Variants in ERI1 observed in about 807,000 individuals in gnomAD.
The protein encoded by ERI1 is exoribonuclease 1.
In ERI1, 39 loss-of-function variants were observed where a neutral mutation model predicts 39.7. The ratio of observed to expected loss-of-function variants is 0.98; its 90% confidence interval spans 0.76 to 1.28. ERI1 has a LOEUF of 1.28. ERI1 is among the 50% of genes most tolerant of loss of function. The pLI, the probability that ERI1 is intolerant of heterozygous loss-of-function variation, is 0.00. For synonymous variants in ERI1, 204 were observed against 149.6 expected (o/e 1.36, Z -2.65); for missense variants, 581 against 416.9 (o/e 1.39, Z -3.43).
rs781653588 is a variant in ERI1 at position 9,097,990 on chromosome 8, G to A, written n.300-18358G>A. On this transcript the variant is annotated intron_variant and non_coding_transcript_variant, in intron 3 of 3. Transcript: ENST00000518663. ...TTGCAGCAACCTGAGTGGAATTGGA[G>A]ACCATTATTCTAAGTGAAGTAACTC... Among the ~76,000 whole-genome samples, 3 of 152,168 alleles carry A rather than the reference G, an allele frequency of 2.0e-5. No individual in the cohort carries two copies. The East Asian group carries it at 5.8e-4, about 29-fold the overall frequency.
chr8:9,053,963 G>T (rs17155162), intron 3 of ERI1, among the ~76,000 whole-genome samples: 1 of 152,102 alleles, frequency 6.6e-6, no homozygotes, highest in African/African-American at 2.4e-5. Flanking sequence ...GTTTGGAAGT[G>T]AAAGGAAATA....
chr8:9,016,022 T>G (rs1484563778), intron 3 of ERI1, among the ~76,000 whole-genome samples: 1 of 152,084 alleles, frequency 6.6e-6, no homozygotes, highest in East Asian at 1.9e-4. Context: ...CGCTTTATAG[T>G]TTTAAAATAT....
At chr8:9,040,961 C>T (rs1017865743) in intron 3 of ERI1, among the ~76,000 whole-genome samples, 2 of 152,192 alleles carry the variant, frequency 1.3e-5, no homozygotes, top group African/African-American at 4.8e-5. Context: ...AGTGCTTACT[C>T]AGTCCTGGGC....
intron 3 of ERI1, among the ~76,000 whole-genome samples, chr8:9,075,790 T>A (rs1799191980): frequency 6.6e-6 from 1 of 152,176 alleles, no homozygotes; most frequent in Non-Finnish European, 1.5e-5. Context: ...GGAAAAATAA[T>A]CTTAAAAAAT....
At chr8:9,059,025 A>G (rs13276286) in intron 3 of ERI1, among the ~76,000 whole-genome samples, 21,531 of 151,784 alleles carry the variant, frequency 0.14, 1,667 homozygotes, top group African/African-American at 0.18. Flanking sequence ...GCGAAGGGAG[A>G]TAGGGGTGGG....
At chr8:9,097,729 GAAAGA>G (rs528835204) in intron 3 of ERI1, among the ~76,000 whole-genome samples, 23 of 146,060 alleles carry the variant, frequency 1.6e-4, no homozygotes, top group African/African-American at 5.8e-4. Flanking sequence ...TTTTTTAAAA[GAAAGA>G]AAAGAAGAAA....
intron 3 of ERI1, among the ~76,000 whole-genome samples, chr8:9,039,285 T>C (rs1797946978): frequency 6.6e-6 from 1 of 152,232 alleles, no homozygotes; most frequent in Non-Finnish European, 1.5e-5. Context: ...ATTTTTATTA[T>C]ATGTTTCGTC....
chr8:9,069,077 G>A (rs10081588), intron 3 of ERI1, among the ~76,000 whole-genome samples: 5,346 of 152,152 alleles, frequency 0.035, 313 homozygotes, highest in African/African-American at 0.12. Context: ...CCTCAGCCTC[G>A]CAAAGTGCTG....
chr8:9,065,406 T>G (rs879392883), intron 3 of ERI1, among the ~76,000 whole-genome samples: 1 of 152,168 alleles, frequency 6.6e-6, no homozygotes, highest in Non-Finnish European at 1.5e-5. Flanking sequence ...TAAAAATGGC[T>G]GACTGCCAGC....
intron 3 of ERI1, among the ~76,000 whole-genome samples, chr8:9,073,963 A>G (rs1216441987): frequency 6.6e-6 from 1 of 152,134 alleles, no homozygotes; most frequent in South Asian, 2.1e-4. Context: ...TTTAATTTTT[A>G]TCCTTACAGA....
At chr8:9,061,082 G>A (rs923998375) in intron 3 of ERI1, among the ~76,000 whole-genome samples, 1 of 152,200 alleles carries the variant, frequency 6.6e-6, no homozygotes, top group Non-Finnish European at 1.5e-5. Context: ...TTTGTTCAGA[G>A]GTAATGGAGG....
At chr8:9,055,059 A>G (rs1461902415) in intron 3 of ERI1, among the ~76,000 whole-genome samples, 3 of 152,226 alleles carry the variant, frequency 2.0e-5, no homozygotes, top group Non-Finnish European at 4.4e-5. Context: ...GTAAACAACA[A>G]TTCGCGAATC....
In ERI1 at chr8:9,020,439, G is replaced by T; in HGVS notation, c.782G>T (p.Arg261Leu). ...TTTGCGAAAAAGTGGATCAATATTC[G>T]GAAGTCATATGGAAATTTTTACAAG... ...PPFAKKWINI[R>L]KSYGNFYKVP... The change falls in exon 6 of 7, where the codon CGG becomes CTG. Residue 261 changes from arginine (R) to leucine (L), a missense_variant. Transcript: ENST00000250263. 6.2e-7 allele frequency: 1 copy of T among 1,603,076 alleles called. No homozygotes were observed. The highest frequency in any genetic ancestry group is 8.5e-7 in the Non-Finnish European group (1 of 1,175,090).
chr8:9,017,802 A>G (rs367954174), intron 4 of ERI1, among the ~76,000 whole-genome samples: 1 of 152,188 alleles, frequency 6.6e-6, no homozygotes. Context: ...TTGTGCATCT[A>G]TTTGTCCTGA....
At chr8:9,003,676 A>G (rs185631992) in intron 1 of ERI1, among the ~76,000 whole-genome samples, 9 of 152,290 alleles carry the variant, frequency 5.9e-5, no homozygotes, top group East Asian at 1.9e-4. Context: ...TCATATAACC[A>G]TAGTATAAGA....
At chr8:9,022,647 G>A (rs532803498) in intron 6 of ERI1, among the ~76,000 whole-genome samples, 4 of 152,212 alleles carry the variant, frequency 2.6e-5, no homozygotes, top group Admixed American at 6.5e-5. Context: ...TGATCTGCCC[G>A]CCTCGGCCTC....
intron 3 of ERI1, among the ~76,000 whole-genome samples, chr8:9,067,273 T>G (rs544678442): frequency 6.6e-5 from 10 of 152,222 alleles, no homozygotes; most frequent in Non-Finnish European, 1.2e-4. Flanking sequence ...AAATCTGTAT[T>G]AAGTTTTCTA....
At chr8:9,008,213 C>T (rs1419439678) in intron 2 of ERI1, 65 bp downstream of exon 2, 2 of 1,288,040 alleles carry the variant, frequency 1.6e-6, no homozygotes, top group Non-Finnish European at 2.1e-6. Context: ...ATCTTGAAAA[C>T]ATTGAAATAT....
At position 9,047,270 on chromosome 8, in the gene ERI1, G is replaced by A. The variant is rs889568531; in HGVS notation, n.299+26806G>A. On this transcript the variant is annotated intron_variant and non_coding_transcript_variant, in intron 3 of 3. Transcript: ENST00000518663. ...TGGGAGTTTATAGCAGTGCCTTTCG[G>A]GTGAGTTGGTGAGCTCAGCTAGTGG... is the stretch of plus-strand genomic sequence containing the variant. 9.8e-5 allele frequency among the ~76,000 whole-genome samples: 15 copies of A among 152,288 alleles called. No individual in the cohort carries two copies. In the South Asian group the frequency reaches 1.0e-3, roughly 11 times the overall value.
Sources: gnomAD v4.1 joint callset for allele counts (sites outside exome capture counted in the v4.1 genomes callset) on GRCh38, gnomAD v4.1.1 for gene constraint, MANE v1.5 for transcripts, NCBI Gene and HGNC (gene_info 2026-07-23, HGNC 2026-07-21) for gene names.